SPMIP7: variants seen among roughly 807,000 people sequenced by gnomAD.
SPMIP7 encodes the protein sperm microtubule inner protein 7, also known as protein SPMIP7.
chr7:50,139,438 T>C, the SPMIP7 span, among the ~76,000 whole-genome samples: 1 of 152,212 alleles, frequency 6.6e-6, no homozygotes, highest in Non-Finnish European at 1.5e-5. Flanking sequence ...TTTTAAAATG[T>C]AATTTTTTTC....
chr7:50,158,072 C>T, the SPMIP7 span, among the ~76,000 whole-genome samples: 1 of 152,204 alleles, frequency 6.6e-6, no homozygotes, highest in Admixed American at 6.5e-5. Context: ...TTCACCCTCC[C>T]CCAGCAGCCT....
At chr7:50,127,938 T>C in the SPMIP7 span, among the ~76,000 whole-genome samples, 2 of 152,042 alleles carry the variant, frequency 1.3e-5, no homozygotes, top group East Asian at 1.9e-4. Context: ...AGAAATACTA[T>C]ATGATTCAGT....
At chr7:50,129,760 C>G in the SPMIP7 span, 3 of 1,548,960 alleles carry the variant, frequency 1.9e-6, no homozygotes. Flanking sequence ...AAATGTAATG[C>G]AAAGGACTCA....
At chr7:50,114,098 C>T in the SPMIP7 span, among the ~76,000 whole-genome samples, 3 of 151,942 alleles carry the variant, frequency 2.0e-5, no homozygotes, top group Non-Finnish European at 4.4e-5. Context: ...AAAATAGAAA[C>T]ATTTTTTGTA....
At chr7:50,123,765 A>C in the SPMIP7 span, among the ~76,000 whole-genome samples, 1 of 151,426 alleles carries the variant, frequency 6.6e-6, no homozygotes, top group Non-Finnish European at 1.5e-5. Flanking sequence ...AATTCTAAAA[A>C]AGCAAAAAGA....
the SPMIP7 span, among the ~76,000 whole-genome samples, chr7:50,113,217 GA>G: frequency 2.6e-5 from 4 of 151,484 alleles, no homozygotes; most frequent in African/African-American, 7.3e-5. Context: ...TTATTTGCTG[GA>G]AAAAAAATCC....
At chr7:50,147,744 T>C in the SPMIP7 span, among the ~76,000 whole-genome samples, 1 of 152,208 alleles carries the variant, frequency 6.6e-6, no homozygotes, top group Non-Finnish European at 1.5e-5. Flanking sequence ...TCATGTTTGG[T>C]TGAGAACCAA....
chr7:50,113,840 T>C, the SPMIP7 span, among the ~76,000 whole-genome samples: 6 of 152,066 alleles, frequency 3.9e-5, no homozygotes, highest in African/African-American at 1.4e-4. Context: ...TCAATCTGTA[T>C]AAATTTTTTT....
chr7:50,131,239 A>G, the SPMIP7 span, among the ~76,000 whole-genome samples: 1 of 152,302 alleles, frequency 6.6e-6, no homozygotes, highest in South Asian at 2.1e-4. Context: ...TAGAGCCAAC[A>G]CAATTTTCTG....
the SPMIP7 span, among the ~76,000 whole-genome samples, chr7:50,125,340 A>G: frequency 3.3e-5 from 2 of 60,118 alleles, no homozygotes; most frequent in African/African-American, 2.4e-4. Flanking sequence ...ATATATATAC[A>G]TATATATACA....
chr7:50,146,228 C>G, the SPMIP7 span, among the ~76,000 whole-genome samples: 1 of 152,150 alleles, frequency 6.6e-6, no homozygotes, highest in Non-Finnish European at 1.5e-5. Context: ...AGTTCTATCC[C>G]CATTTTGCAG....
chr7:50,145,233 A>G, the SPMIP7 span, among the ~76,000 whole-genome samples: 2 of 151,822 alleles, frequency 1.3e-5, no homozygotes, highest in African/African-American at 4.8e-5. Context: ...ACTGCACTCC[A>G]GCCTGGGTGA....
At chr7:50,155,678 G>T in the SPMIP7 span, among the ~76,000 whole-genome samples, 1 of 151,986 alleles carries the variant, frequency 6.6e-6, no homozygotes, top group East Asian at 1.9e-4. Flanking sequence ...ATTTCTAAAT[G>T]AAAAACTGTC....
the SPMIP7 span, among the ~76,000 whole-genome samples, chr7:50,154,688 G>T: frequency 6.6e-6 from 1 of 152,194 alleles, no homozygotes; most frequent in Non-Finnish European, 1.5e-5. Flanking sequence ...CAGGAATGCA[G>T]ATATCTTTAT....
At chr7:50,134,098 A>G in the SPMIP7 span, 1 of 1,527,858 alleles carries the variant, frequency 6.5e-7, no homozygotes, top group Non-Finnish European at 8.8e-7. Context: ...CCTATTTAAT[A>G]ACTTCATAGA....
the SPMIP7 span, among the ~76,000 whole-genome samples, chr7:50,148,200 C>T: frequency 2.5e-3 from 381 of 152,272 alleles, 1 homozygote; most frequent in African/African-American, 8.5e-3. Flanking sequence ...TGAGGACTTT[C>T]GTTTTCAAAT....
At chr7:50,155,744 C>T in the SPMIP7 span, among the ~76,000 whole-genome samples, 1 of 152,204 alleles carries the variant, frequency 6.6e-6, no homozygotes, top group Admixed American at 6.5e-5. Flanking sequence ...ACTTTCACAT[C>T]CAGATTCAGG....
At chr7:50,129,430 A>G in the SPMIP7 span, among the ~76,000 whole-genome samples, 1 of 152,050 alleles carries the variant, frequency 6.6e-6, no homozygotes, top group Non-Finnish European at 1.5e-5. Flanking sequence ...TTGTGCTAAA[A>G]CTAAGTATTT....
At chr7:50,102,165 A>T in the SPMIP7 span, among the ~76,000 whole-genome samples, 1 of 152,178 alleles carries the variant, frequency 6.6e-6, no homozygotes, top group Non-Finnish European at 1.5e-5. Flanking sequence ...CTCTACTAAA[A>T]GTACAAAAAT....
Sources: gnomAD v4.1 joint callset for allele counts (sites outside exome capture counted in the v4.1 genomes callset) on GRCh38, gnomAD v4.1.1 for gene constraint, MANE v1.5 for transcripts, NCBI Gene and HGNC (gene_info 2026-07-23, HGNC 2026-07-21) for gene names.